RIN2: variants seen among roughly 807,000 people sequenced by gnomAD.
RIN2 encodes Ras and Rab interactor 2.
Under a neutral mutation model 78.0 loss-of-function variants are expected in RIN2, and 36 were observed. The ratio of observed to expected loss-of-function variants is 0.46; its 90% CI spans 0.35 to 0.61. RIN2 has a LOEUF of 0.61. Ranked by LOEUF, RIN2 falls within the 20% of genes least tolerant of loss-of-function variation. RIN2 has a pLI of 0.00. For synonymous variants in RIN2, 466 were observed against 466.8 expected (o/e 1.00, Z 0.02); for missense variants, 1,087 against 1,159.7 (o/e 0.94, Z 0.91).
At chr20:19,788,354 G>T (rs562801874) in intron 1 of RIN2, among the ~76,000 whole-genome samples, 2 of 150,644 alleles carry the variant, frequency 1.3e-5, no homozygotes, top group African/African-American at 2.5e-5. Context: ...CAGCACTTTG[G>T]GGGGCTGAGG....
At position 19,952,938 on chromosome 20, in the gene RIN2, G is replaced by T. The variant is rs114594396; in HGVS notation, c.159-3677G>T. On this transcript the variant is annotated intron_variant, in intron 4 of 12. Coordinates refer to ENST00000255006, the MANE Select transcript of RIN2 (RefSeq NM_018993.4). ...TCAGGCAAATGTTCCTTACAGTGTTGTCCTCAGATTGGTCACTGAGAGCTT... is the reference window on the plus strand; with the variant it reads ...TCAGGCAAATGTTCCTTACAGTGTTTTCCTCAGATTGGTCACTGAGAGCTT... 6.4e-3 allele frequency among the ~76,000 whole-genome samples: 974 copies of T among 152,250 alleles called. 10 individuals are homozygous for T. Among genetic ancestry groups the T allele is most frequent in the African/African-American group, 0.022 (931 of 41,538 alleles).
At position 19,975,467 on chromosome 20, in the gene RIN2, A is replaced by G; in HGVS notation, c.1442A>G (p.Lys481Arg). ...ETMAPPIKSK[K>R]KRSSSFVLPK... ...ATGGCGCCCCCCATCAAGTCCAAAA[A>G]GAAAAGGAGCAGCTCCTTCGTGCTG... The change falls in exon 9 of 13, where the codon AAG (lysine) becomes AGG (arginine). Residue 481 changes from lysine (K) to arginine (R), a missense_variant. Around this residue, in one of 8 missense-constraint regions of RIN2, gnomAD observed 706 missense variants for 667.5 expected, o/e 1.06. Coordinates refer to ENST00000255006, the MANE Select transcript of RIN2 (RefSeq NM_018993.4). This position sits in a 1 kb window ranked among gnomAD's most constrained non-coding sequence, Gnocchi z 4.9. The G allele has an allele frequency of 6.2e-7, 1 of 1,614,058 alleles. No homozygotes were observed. The highest frequency in any genetic ancestry group is 1.1e-5 in the South Asian group (1 of 91,090).
At chr20:19,822,384 G>A (rs1193740089) in intron 2 of RIN2, among the ~76,000 whole-genome samples, 2 of 152,128 alleles carry the variant, frequency 1.3e-5, no homozygotes, top group South Asian at 2.1e-4. Flanking sequence ...ATTTTCAGAG[G>A]GTGGATCGAC....
chr20:19,880,653 C>G (rs2038001357), intron 2 of RIN2, among the ~76,000 whole-genome samples: 1 of 152,034 alleles, frequency 6.6e-6, no homozygotes, highest in South Asian at 2.1e-4. Flanking sequence ...TAGATGTGAG[C>G]TGCTGCACCT....
chr20:19,904,021 C>T (rs6046443), intron 3 of RIN2, among the ~76,000 whole-genome samples: 15,188 of 151,804 alleles, frequency 0.1, 1,411 homozygotes, highest in East Asian at 0.26. Flanking sequence ...GAGGCCGAGG[C>T]GGGTAGATCA....
chr20:19,945,364 T>C (rs1362632472), intron 4 of RIN2, among the ~76,000 whole-genome samples: 1 of 152,134 alleles, frequency 6.6e-6, no homozygotes, highest in African/African-American at 2.4e-5. Flanking sequence ...TGATTCCGGA[T>C]AAATTGATGA....
At chr20:19,770,982 A>G (rs1200554273) in intron 1 of RIN2, among the ~76,000 whole-genome samples, 2 of 151,798 alleles carry the variant, frequency 1.3e-5, no homozygotes, top group African/African-American at 4.8e-5. Context: ...AGTTCAACTA[A>G]TTTGCTAGAG....
chr20:19,781,945 C>G (rs2034523452), intron 1 of RIN2, among the ~76,000 whole-genome samples: 1 of 152,056 alleles, frequency 6.6e-6, no homozygotes, highest in South Asian at 2.1e-4. Context: ...AAGAATGGTT[C>G]CATTTCCCAT....
intron 2 of RIN2, among the ~76,000 whole-genome samples, chr20:19,838,216 A>T (rs1363244504): frequency 6.6e-6 from 1 of 152,194 alleles, no homozygotes; most frequent in Non-Finnish European, 1.5e-5. Context: ...GTCATACTAC[A>T]TTGCATAGGA....
At chr20:19,809,144 T>C (rs1287596658) in intron 2 of RIN2, 1 of 152,322 alleles carries the variant, frequency 6.6e-6, no homozygotes, top group African/African-American at 2.4e-5. Flanking sequence ...CCCAAGTGAC[T>C]GATGCAAACC....
intron 2 of RIN2, among the ~76,000 whole-genome samples, chr20:19,804,904 T>G (rs2035356890): frequency 6.6e-6 from 1 of 152,096 alleles, no homozygotes; most frequent in East Asian, 1.9e-4. Context: ...TATGACTCCC[T>G]CAAAATTTCA....
At chr20:19,912,437 A>G (rs1299149424) in intron 3 of RIN2, among the ~76,000 whole-genome samples, 1 of 143,284 alleles carries the variant, frequency 7.0e-6, no homozygotes, top group East Asian at 2.1e-4. Flanking sequence ...CCCTGCATCC[A>G]TTGCTGGGAT....
At chr20:19,843,687 C>G (rs1295414972) in intron 2 of RIN2, among the ~76,000 whole-genome samples, 1 of 152,138 alleles carries the variant, frequency 6.6e-6, no homozygotes, top group East Asian at 1.9e-4. Flanking sequence ...TTGTGGTGGT[C>G]TGGAACCAAA....
intron 2 of RIN2, among the ~76,000 whole-genome samples, chr20:19,814,147 C>T (rs986502123): frequency 6.6e-6 from 1 of 152,178 alleles, no homozygotes; most frequent in Non-Finnish European, 1.5e-5. Context: ...AAATGAAGGG[C>T]AAATGTGTGT....
At chr20:19,817,624 T>C (rs1229855565) in intron 2 of RIN2, among the ~76,000 whole-genome samples, 1 of 152,220 alleles carries the variant, frequency 6.6e-6, no homozygotes, top group East Asian at 1.9e-4. Context: ...ATGTGAATAA[T>C]ATTTATGGAT....
Position 19,975,111 on chromosome 20 carries a change from G to A in RIN2, c.1086G>A (p.Lys362=), listed in dbSNP as rs1463830150. 6.2e-7 allele frequency: 1 copy of A among 1,613,342 alleles called. No individual in the cohort carries two copies. The highest frequency in any genetic ancestry group is 8.5e-7 in the Non-Finnish European group (1 of 1,179,900). Residue 362 remains lysine (K), a synonymous_variant, in exon 9 of 13, where the codon AAG becomes AAA. Coordinates refer to ENST00000255006, the MANE Select transcript of RIN2 (RefSeq NM_018993.4). This position sits in a 1 kb window ranked among gnomAD's most constrained non-coding sequence, Gnocchi z 4.9. ...CTCCCATCCCTCCACCCCGGCTGAA[G>A]AAGCAGGCTTCTTTTCTGGAAGCAG... ...KPTPIPPPRL[K]KQASFLEAEG... is the part of the protein sequence containing the mutation.
intron 1 of RIN2, among the ~76,000 whole-genome samples, chr20:19,772,995 C>T (rs941055560): frequency 3.3e-5 from 5 of 152,150 alleles, no homozygotes; most frequent in African/African-American, 9.7e-5. Context: ...CAAGGTGGCT[C>T]GAAACAACAG....
intron 3 of RIN2, among the ~76,000 whole-genome samples, chr20:19,900,584 T>C (rs2038933625): frequency 6.6e-6 from 1 of 151,412 alleles, no homozygotes; most frequent in Admixed American, 6.6e-5. Context: ...AGCCCAGGAA[T>C]TAGAGACCAC....
At chr20:19,902,625 C>T (rs1340185051) in intron 3 of RIN2, among the ~76,000 whole-genome samples, 1 of 152,090 alleles carries the variant, frequency 6.6e-6, no homozygotes. Context: ...GCTGGGGGAG[C>T]TCATTACAGG....
Sources: gnomAD v4.1 joint callset for allele counts (sites outside exome capture counted in the v4.1 genomes callset) on GRCh38, gnomAD v4.1.1 for gene constraint, gnomAD v4.1.1 regional missense constraint, Gnocchi (gnomAD v3.1) non-coding constraint, MANE v1.5 for transcripts, NCBI Gene and HGNC (gene_info 2026-07-23, HGNC 2026-07-21) for gene names.